Variants in NEK1 observed in about 807,000 individuals in gnomAD.
The protein encoded by NEK1 is serine/threonine-protein kinase Nek1.
A neutral mutation model predicts 182.1 loss-of-function variants in NEK1; 137 were observed. The observed-to-expected ratio is 0.75, with a 90% confidence interval of 0.65 to 0.87. The LOEUF (loss-of-function observed/expected upper bound fraction) is 0.87. NEK1 is among the 40% of genes least tolerant of loss of function. The probability of loss-of-function intolerance (pLI) is 0.00; values close to 1 mark genes in which losing one functional copy is unlikely to be tolerated. For missense variants in NEK1, 1,391 were observed against 1,494.4 expected (o/e 0.93, Z 1.14); for synonymous variants, 513 against 492.2 (o/e 1.04, Z -0.56).
chr4:169,449,828 T>C (rs1052842922), intron 27 of NEK1, among the ~76,000 whole-genome samples: 2 of 152,180 alleles, frequency 1.3e-5, no homozygotes, highest in Admixed American at 1.3e-4. Context: ...GAGAATGACT[T>C]TGACAAGTTG....
intron 2 of NEK1, 82 bp downstream of exon 2, chr4:169,611,938 T>C (rs1431508387): frequency 1.3e-5 from 2 of 152,224 alleles, no homozygotes; most frequent in Admixed American, 6.5e-5. Context: ...GTAATCTCAA[T>C]ATAAGCAGTT....
At chr4:169,514,955 C>A (rs961161254) in intron 19 of NEK1, among the ~76,000 whole-genome samples, 18 of 152,022 alleles carry the variant, frequency 1.2e-4, no homozygotes, top group Admixed American at 9.8e-4. Context: ...ATTTCTTCTA[C>A]TGTCTGCATT....
At position 169,556,031 on chromosome 4, in the gene NEK1, T is replaced by C. The variant is rs914101193; in HGVS notation, c.1331A>G (p.Glu444Gly). The part of the protein sequence containing the change: ...PSSFSSRGQY[E>G]HYHAIFDQMQ... ...TTGGTCAAAAATGGCATGGTAATGT[T>C]CATACTGTCCTCGAGAAGAAAAAGA... The change falls in exon 17 of 36, where the codon GAA becomes GGA. Residue 444 changes from glutamate to glycine, a missense_variant. By Grantham distance (98) the Glu-to-Gly change is moderately conservative (BLOSUM62 -2). This residue lies in a region of NEK1 where 1,216 missense variants were observed against 1,277.6 expected (regional missense o/e 0.95). Coordinates refer to ENST00000507142, the MANE Select transcript of NEK1 (RefSeq NM_001199397.3). 3 of 1,613,748 alleles carry C rather than the reference T, an allele frequency of 1.9e-6. No individual in the cohort carries two copies. The highest frequency in any genetic ancestry group is 2.5e-6 in the Non-Finnish European group (3 of 1,179,794).
chr4:169,583,018 G>A (rs182410805), intron 10 of NEK1, among the ~76,000 whole-genome samples: 43 of 152,178 alleles, frequency 2.8e-4, no homozygotes, highest in African/African-American at 7.0e-4. Flanking sequence ...TATCAACCAC[G>A]GTTGATGGCC....
At position 169,580,871 on chromosome 4, in the gene NEK1, A is replaced by G; in HGVS notation, c.839T>C (p.Phe280Ser). The G allele has an allele frequency of 6.5e-7, 1 of 1,534,706 alleles. No homozygotes were observed. Among genetic ancestry groups the G allele is most frequent in the Non-Finnish European group, 8.8e-7 (1 of 1,135,856 alleles). ...LIAEEFCLKTFSKFGSQPIPA... is the reference protein window; with the variant it reads ...LIAEEFCLKTSSKFGSQPIPA... ...TATAGGCTGTGATCCAAACTTCGAA[A>G]ATGTTTTTAGACAAAATTCTTCTGC... Residue 280 changes from phenylalanine to serine, a missense_variant, in exon 11 of 36, where the codon TTT (phenylalanine) becomes TCT (serine). Phe to Ser is a radical substitution (Grantham distance 155, BLOSUM62 -2). This residue lies in a region of NEK1 where 1,216 missense variants were observed against 1,277.6 expected (regional missense o/e 0.95). Transcript: ENST00000507142.
intron 11 of NEK1, among the ~76,000 whole-genome samples, chr4:169,578,966 T>C (rs1192773793): frequency 1.3e-5 from 2 of 152,034 alleles, no homozygotes; most frequent in African/African-American, 2.4e-5. Flanking sequence ...ACACACACAG[T>C]CACAATACTG....
intron 27 of NEK1, among the ~76,000 whole-genome samples, chr4:169,441,761 C>A (rs922349327): frequency 1.3e-5 from 2 of 151,720 alleles, no homozygotes; most frequent in Non-Finnish European, 3.0e-5. Flanking sequence ...AGCACCCACA[C>A]ACATCATCTA....
At chr4:169,596,415 G>A (rs1311971585) in intron 5 of NEK1, among the ~76,000 whole-genome samples, 2 of 152,080 alleles carry the variant, frequency 1.3e-5, no homozygotes, top group Admixed American at 1.3e-4. Flanking sequence ...GGTCACATGT[G>A]GGGAGACTAT....
At chr4:169,452,446 A>C (rs1469603952) in intron 27 of NEK1, among the ~76,000 whole-genome samples, 1 of 152,236 alleles carries the variant, frequency 6.6e-6, no homozygotes, top group East Asian at 1.9e-4. Context: ...CCAGCAGCAT[A>C]TCAAAAAGCT....
At chr4:169,540,032 C>G (rs1440431939) in intron 18 of NEK1, among the ~76,000 whole-genome samples, 1 of 152,104 alleles carries the variant, frequency 6.6e-6, no homozygotes, top group Non-Finnish European at 1.5e-5. Flanking sequence ...ATATATAACA[C>G]TACTTGCTCT....
chr4:169,514,897 C>CT (rs33998778), intron 19 of NEK1, among the ~76,000 whole-genome samples: 17 of 151,888 alleles, frequency 1.1e-4, no homozygotes, highest in South Asian at 2.1e-4. Flanking sequence ...ATATTTTGCT[C>CT]TTTTTTTTCC....
rs188135095 is a variant in NEK1, at chr4:169,471,649, C to T, written c.2434+5475G>A. On this transcript the variant is annotated intron_variant, in intron 26 of 35. Transcript: ENST00000507142. ...AGTCTGTCCCTTAGCAGATCTTGAG[C>T]GCTGTGGTGAGAGATCTGTTCCTCT... Among the ~76,000 whole-genome samples the T allele has an allele frequency of 6.3e-4, 96 of 152,298 alleles. 1 individual carries two copies. Among genetic ancestry groups the T allele is most frequent in the African/African-American group, 2.2e-3 (90 of 41,566 alleles).
At chr4:169,577,875 T>C (rs979370128) in intron 11 of NEK1, among the ~76,000 whole-genome samples, 10 of 151,964 alleles carry the variant, frequency 6.6e-5, no homozygotes, top group Admixed American at 6.6e-4. Flanking sequence ...TATAAGCAAC[T>C]TTTTTCCTTC....
At chr4:169,567,444 GGGCTGGAGTGTAAT>G (rs1763898753) in intron 12 of NEK1, among the ~76,000 whole-genome samples, 1 of 150,886 alleles carries the variant, frequency 6.6e-6, no homozygotes, top group Non-Finnish European at 1.5e-5. Context: ...TCTGTCACCT[GGGCTGGAGTGTAAT>G]GGCACCATCT....
intron 23 of NEK1, among the ~76,000 whole-genome samples, chr4:169,483,354 C>G (rs2149575501): frequency 6.6e-6 from 1 of 152,174 alleles, no homozygotes; most frequent in East Asian, 1.9e-4. Context: ...AAAAATGTGA[C>G]ACAAAGACAC....
intron 27 of NEK1, among the ~76,000 whole-genome samples, chr4:169,458,140 G>A (rs772690071): frequency 3.3e-5 from 5 of 152,106 alleles, no homozygotes; most frequent in Non-Finnish European, 7.4e-5. Flanking sequence ...CTGACACTAT[G>A]TGACTTCAAG....
At chr4:169,420,876 T>G (rs1287805766) in intron 31 of NEK1, among the ~76,000 whole-genome samples, 3 of 152,180 alleles carry the variant, frequency 2.0e-5, no homozygotes, top group Non-Finnish European at 4.4e-5. Context: ...GTTGTGATAT[T>G]AATAATTACA....
chr4:169,570,653 G>A (rs1314174232), intron 12 of NEK1, among the ~76,000 whole-genome samples: 17 of 152,116 alleles, frequency 1.1e-4, no homozygotes, highest in Middle Eastern at 3.2e-3. Context: ...CCCTCTGCCC[G>A]GCCACCACCC....
chr4:169,570,140 C>T (rs1277939883), intron 12 of NEK1, among the ~76,000 whole-genome samples: 7 of 148,080 alleles, frequency 4.7e-5, no homozygotes, highest in African/African-American at 7.5e-5. Context: ...GCCTCTGCCC[C>T]GCCGCCCCGT....
Sources: gnomAD v4.1 joint callset for allele counts (sites outside exome capture counted in the v4.1 genomes callset) on GRCh38, gnomAD v4.1.1 for gene constraint, gnomAD v4.1.1 regional missense constraint, MANE v1.5 for transcripts, NCBI Gene and HGNC (gene_info 2026-07-23, HGNC 2026-07-21) for gene names.